ANO3: variants seen among roughly 807,000 people sequenced by gnomAD.
ANO3 encodes the protein anoctamin 3, also known as anoctamin-3.
Under a neutral mutation model 144.8 loss-of-function variants are expected in ANO3, and 99 were observed. That is an observed-to-expected ratio of 0.68 (90% CI 0.58 to 0.81). The LOEUF (loss-of-function observed/expected upper bound fraction) is 0.81, where lower values mean the gene tolerates loss of function less well. Ranked by LOEUF, ANO3 falls within the 30% of genes least tolerant of loss-of-function variation. ANO3 has a pLI of 0.00. For missense variants in ANO3, 905 were observed against 1,202.2 expected (o/e 0.75, Z 3.66); for synonymous variants, 414 against 392.6 (o/e 1.05, Z -0.64).
intron 1 of ANO3, among the ~76,000 whole-genome samples, chr11:26,190,468 C>A (rs756453276): frequency 9.2e-5 from 14 of 151,986 alleles, no homozygotes; most frequent in Admixed American, 6.6e-5. Context: ...AGATATTGAA[C>A]CTAAAATTTC....
At chr11:26,331,083 G>A (rs1855026303), upstream of ANO3, among the ~76,000 whole-genome samples, 1 of 152,136 alleles carries the variant, frequency 6.6e-6, no homozygotes, top group South Asian at 2.1e-4. Context: ...TCCTATTTTG[G>A]CCACTGCAGT....
At chr11:26,279,771 C>T (rs562776279) in intron 1 of ANO3, among the ~76,000 whole-genome samples, 3 of 152,182 alleles carry the variant, frequency 2.0e-5, no homozygotes, top group East Asian at 1.9e-4. Context: ...TGTGTCCATC[C>T]GGCAACTTCA....
At chr11:26,580,065 G>C (rs1391881441) in intron 14 of ANO3, among the ~76,000 whole-genome samples, 3 of 135,546 alleles carry the variant, frequency 2.2e-5, no homozygotes, top group African/African-American at 8.2e-5. Context: ...CAAAAGTAAT[G>C]AGAATGGAAA....
At chr11:26,528,476 T>A (rs1301831759) in intron 7 of ANO3, among the ~76,000 whole-genome samples, 1 of 152,210 alleles carries the variant, frequency 6.6e-6, no homozygotes, top group Non-Finnish European at 1.5e-5. Context: ...TTATTCTATT[T>A]CTTTTAAAAC....
chr11:26,348,189 C>G (rs1340457847), intron 1 of ANO3, among the ~76,000 whole-genome samples: 1 of 152,130 alleles, frequency 6.6e-6, no homozygotes, highest in Non-Finnish European at 1.5e-5. Flanking sequence ...ATTATCACCA[C>G]TTAAATATAT....
chr11:26,509,251 C>T (rs17243350), intron 5 of ANO3, among the ~76,000 whole-genome samples: 13,450 of 151,796 alleles, frequency 0.089, 845 homozygotes, highest in Admixed American at 0.14. Flanking sequence ...CCAGCTGTTC[C>T]GCTACTGAGA....
chr11:26,657,718 A>T (rs916570808), intron 26 of ANO3, among the ~76,000 whole-genome samples: 3 of 152,232 alleles, frequency 2.0e-5, no homozygotes, highest in African/African-American at 7.2e-5. Flanking sequence ...TTCTTTTTCA[A>T]AATTACTTCA....
At chr11:26,456,365 A>G (rs1369762990) in intron 3 of ANO3, among the ~76,000 whole-genome samples, 1 of 152,214 alleles carries the variant, frequency 6.6e-6, no homozygotes, top group Non-Finnish European at 1.5e-5. Context: ...AATGAACTCA[A>G]ACAAATTTAG....
At chr11:26,529,123 TTATATATAATATATATTATATAATAATA>T in intron 7 of ANO3, among the ~76,000 whole-genome samples, 2 of 2,940 alleles carry the variant, frequency 6.8e-4, no homozygotes, top group Non-Finnish European at 0.027. Flanking sequence ...ATAATATATA[TTATATATAATATATATTATATAATAATA>T]TATATTATAT....
At chr11:26,196,807 G>C (rs1285956526) in intron 1 of ANO3, among the ~76,000 whole-genome samples, 1 of 152,164 alleles carries the variant, frequency 6.6e-6, no homozygotes, top group Non-Finnish European at 1.5e-5. Context: ...AAAAAGGTGA[G>C]CAGAATAAGA....
intron 1 of ANO3, among the ~76,000 whole-genome samples, chr11:26,346,401 G>A (rs1214796343): frequency 6.6e-6 from 1 of 152,118 alleles, no homozygotes; most frequent in African/African-American, 2.4e-5. Flanking sequence ...TTCTGTTTCA[G>A]GCTATATCTC....
chr11:26,477,376 T>C lies in ANO3; in HGVS notation c.432+14228T>C, dbSNP rs533319594. Reference sequence around the variant, plus strand: ...TGACCCTTTTCCATGCCCAGATGTATTTGTGTATGGAGTTTTCTCGACCTG... The same window carrying C: ...TGACCCTTTTCCATGCCCAGATGTACTTGTGTATGGAGTTTTCTCGACCTG... On this transcript the variant is annotated intron_variant, in intron 4 of 26. Coordinates refer to ENST00000256737, the MANE Select transcript of ANO3 (RefSeq NM_031418.4). Among the ~76,000 whole-genome samples the C allele has an allele frequency of 2.0e-5, 3 of 152,244 alleles. 1 individual carries two copies. The South Asian group carries it at 6.2e-4, about 32-fold the overall frequency.
chr11:26,398,283 AG>A (rs1857067788), intron 1 of ANO3, among the ~76,000 whole-genome samples: 1 of 152,056 alleles, frequency 6.6e-6, no homozygotes, highest in Admixed American at 6.6e-5. Context: ...GAGTTTTTGC[AG>A]GTAATAATGA....
intron 1 of ANO3, among the ~76,000 whole-genome samples, chr11:26,240,275 A>T (rs1008374689): frequency 6.6e-6 from 1 of 152,204 alleles, no homozygotes; most frequent in Non-Finnish European, 1.5e-5. Flanking sequence ...GCACTTGTGC[A>T]TATGATATAA....
At chr11:26,464,661 T>A (rs958402454) in intron 4 of ANO3, among the ~76,000 whole-genome samples, 1 of 151,786 alleles carries the variant, frequency 6.6e-6, no homozygotes, top group Admixed American at 6.6e-5. Flanking sequence ...ATATTATGAT[T>A]GTAACATTAA....
At chr11:26,505,743 C>T (rs936230432) in intron 4 of ANO3, among the ~76,000 whole-genome samples, 2 of 151,968 alleles carry the variant, frequency 1.3e-5, no homozygotes, top group East Asian at 1.9e-4. Flanking sequence ...GAGGCCAAGG[C>T]GGGCGGATCA....
chr11:26,212,134 C>T (rs1418328098), intron 1 of ANO3, among the ~76,000 whole-genome samples: 1 of 151,948 alleles, frequency 6.6e-6, no homozygotes, highest in Non-Finnish European at 1.5e-5. Flanking sequence ...GTGCAGCAAA[C>T]CACAATGGCA....
At chr11:26,486,074 A>G (rs112399482) in intron 4 of ANO3, among the ~76,000 whole-genome samples, 2 of 152,278 alleles carry the variant, frequency 1.3e-5, no homozygotes, top group African/African-American at 2.4e-5. Context: ...TATTTAAAAA[A>G]AAATCACAGC....
At chr11:26,595,460 G>GTTGTTTTTTTTTT (rs1301892343) in intron 14 of ANO3, among the ~76,000 whole-genome samples, 1 of 101,384 alleles carries the variant, frequency 9.9e-6, no homozygotes, top group African/African-American at 4.2e-5. Context: ...AGATAGAGTT[G>GTTGTTTTTTTTTT]TTTTTTTTTT....
Sources: allele counts gnomAD v4.1 joint callset (sites outside exome capture counted in the v4.1 genomes callset), GRCh38; gene constraint gnomAD v4.1.1; transcripts MANE v1.5; gene names NCBI Gene and HGNC (gene_info 2026-07-23, HGNC 2026-07-21).